NCAM2: variants seen among roughly 807,000 people sequenced by gnomAD.
NCAM2 encodes N-CAM-2.
NCAM2 carries 30 observed loss-of-function variants against 98.1 expected under a neutral mutation model. That is an observed-to-expected ratio of 0.31 (90% CI 0.23 to 0.41). The LOEUF is 0.41. Ranked by LOEUF, NCAM2 falls within the 10% of genes least tolerant of loss-of-function variation. The probability of loss-of-function intolerance (pLI) is 1.00; values close to 1 mark genes in which losing one functional copy is unlikely to be tolerated. For missense variants in NCAM2, 867 were observed against 1,005.8 expected (o/e 0.86, Z 1.87); for synonymous variants, 368 against 342.4 (o/e 1.07, Z -0.83).
At chr21:21,444,921 T>C (rs969894471) in intron 12 of NCAM2, among the ~76,000 whole-genome samples, 19 of 152,158 alleles carry the variant, frequency 1.2e-4, no homozygotes, top group Admixed American at 7.2e-4. Flanking sequence ...TTAAGTGTGA[T>C]GTTAGGGTGT....
At chr21:21,059,015 C>T (rs1345406227) in intron 1 of NCAM2, among the ~76,000 whole-genome samples, 1 of 152,076 alleles carries the variant, frequency 6.6e-6, no homozygotes, top group East Asian at 1.9e-4. Context: ...GACTGCATAT[C>T]TCTGTCTTGT....
At chr21:21,488,217 A>G (rs1986555643) in intron 15 of NCAM2, among the ~76,000 whole-genome samples, 1 of 152,044 alleles carries the variant, frequency 6.6e-6, no homozygotes, top group Non-Finnish European at 1.5e-5. Context: ...AGTTACAAGT[A>G]TGCATCCTAG....
chr21:21,155,660 A>G (rs377364409), intron 1 of NCAM2, among the ~76,000 whole-genome samples: 6 of 152,028 alleles, frequency 3.9e-5, no homozygotes, highest in South Asian at 2.1e-4. Context: ...ATATCTTTAA[A>G]TTGATAATGT....
At chr21:21,083,785 G>C (rs747158923) in intron 1 of NCAM2, among the ~76,000 whole-genome samples, 2 of 152,106 alleles carry the variant, frequency 1.3e-5, no homozygotes, top group Non-Finnish European at 2.9e-5. Context: ...ATTATGCCAA[G>C]ATGTTTTTAT....
chr21:21,356,408 A>G (rs2075480445), intron 8 of NCAM2, among the ~76,000 whole-genome samples: 1 of 152,126 alleles, frequency 6.6e-6, no homozygotes, highest in South Asian at 2.1e-4. Context: ...TTATTGGAAG[A>G]CAGAAAACAA....
intron 1 of NCAM2, among the ~76,000 whole-genome samples, chr21:21,212,978 G>T (rs2069722033): frequency 6.6e-6 from 1 of 152,024 alleles, no homozygotes; most frequent in African/African-American, 2.4e-5. Context: ...CTGACCTCAT[G>T]ATCCGCCCGC....
chr21:21,384,521 T>A (rs2076223833), intron 9 of NCAM2, among the ~76,000 whole-genome samples: 1 of 151,864 alleles, frequency 6.6e-6, no homozygotes, highest in Admixed American at 6.6e-5. Flanking sequence ...AAATACCAAA[T>A]ATATTGGAAA....
intron 8 of NCAM2, among the ~76,000 whole-genome samples, chr21:21,338,950 G>A (rs2074952519): frequency 6.6e-6 from 1 of 152,078 alleles, no homozygotes; most frequent in Admixed American, 6.6e-5. Flanking sequence ...TTACAAACCA[G>A]TACATTTAAC....
chr21:21,083,013 T>C (rs932681903), intron 1 of NCAM2, among the ~76,000 whole-genome samples: 6 of 152,254 alleles, frequency 3.9e-5, no homozygotes, highest in Non-Finnish European at 5.9e-5. Flanking sequence ...CCTTTGCTTC[T>C]ATCAAAGCAT....
At chr21:21,413,946 C>T (rs968428564) in intron 10 of NCAM2, among the ~76,000 whole-genome samples, 43 of 152,146 alleles carry the variant, frequency 2.8e-4, no homozygotes, top group African/African-American at 9.7e-4. Flanking sequence ...TAGGAATTAC[C>T]TATAGCAGAA....
Position 21,457,905 on chromosome 21 carries a change from G to T in NCAM2, c.1655-8701G>T, listed in dbSNP as rs566683640. Among the ~76,000 whole-genome samples, 6 of 152,288 alleles carry T rather than the reference G, an allele frequency of 3.9e-5. No individual in the cohort carries two copies. The South Asian group carries it at 1.2e-3, about 32-fold the overall frequency. ...GTAACAAATGAGAAAAACTGGGAAA[G>T]AACATTAAGGGTTTGGCCAGGAGGA... On this transcript the variant is annotated intron_variant, in intron 12 of 17. Coordinates refer to ENST00000400546, the MANE Select transcript of NCAM2 (RefSeq NM_004540.5).
At chr21:21,251,083 T>C (rs2071451707) in intron 1 of NCAM2, among the ~76,000 whole-genome samples, 2 of 152,224 alleles carry the variant, frequency 1.3e-5, no homozygotes, top group Non-Finnish European at 2.9e-5. Context: ...GTCGTGATTT[T>C]TTTTCCTTAT....
intron 1 of NCAM2, among the ~76,000 whole-genome samples, chr21:21,001,926 G>A (rs1346563873): frequency 6.6e-6 from 1 of 152,102 alleles, no homozygotes; most frequent in African/African-American, 2.4e-5. Context: ...TAGAGCACAG[G>A]TGTGTGAGTG....
rs1208906756 is a variant in NCAM2 at position 21,538,934 on chromosome 21, C to A, written c.*977C>A. 1 of 151,682 alleles carries A rather than the reference C, an allele frequency of 6.6e-6. No individual in the cohort carries two copies. The highest frequency in any genetic ancestry group is 1.9e-4 in the East Asian group (1 of 5,182). The allele number at this position is 151,682 out of a possible 1,614,324, so 9.4% of individuals were successfully genotyped here. Reference sequence around the variant, plus strand: ...TATAATCTTTAAGAACTAATTTTACCACTGTTATAGGTTCACCATTAAATA... The same window carrying A: ...TATAATCTTTAAGAACTAATTTTACAACTGTTATAGGTTCACCATTAAATA... On this transcript the variant is annotated 3_prime_UTR_variant, in exon 18 of 18. Coordinates refer to ENST00000400546, the MANE Select transcript of NCAM2 (RefSeq NM_004540.5).
intron 12 of NCAM2, among the ~76,000 whole-genome samples, chr21:21,441,722 G>A (rs1176068938): frequency 1.3e-5 from 2 of 151,910 alleles, no homozygotes; most frequent in African/African-American, 4.8e-5. Flanking sequence ...GACTGGGAAA[G>A]ATGAACGTGG....
chr21:21,362,918 A>G (rs2826814), intron 8 of NCAM2, among the ~76,000 whole-genome samples: 35,224 of 152,098 alleles, frequency 0.23, 4,351 homozygotes, highest in East Asian at 0.29. Flanking sequence ...GTCAATGTAC[A>G]TGACACACTA....
chr21:21,404,608 A>G (rs1050691758), intron 9 of NCAM2, among the ~76,000 whole-genome samples: 5 of 152,048 alleles, frequency 3.3e-5, no homozygotes, highest in African/African-American at 1.2e-4. Flanking sequence ...ACGAACTAAT[A>G]CAGTATATAT....
At chr21:21,079,519 G>A (rs552644138) in intron 1 of NCAM2, among the ~76,000 whole-genome samples, 43 of 152,082 alleles carry the variant, frequency 2.8e-4, no homozygotes, top group African/African-American at 1.0e-3. Flanking sequence ...TACAGTAATT[G>A]GTAAGGAAAT....
intron 1 of NCAM2, among the ~76,000 whole-genome samples, chr21:21,023,838 C>A (rs1339621645): frequency 1.3e-5 from 2 of 151,904 alleles, no homozygotes; most frequent in African/African-American, 2.4e-5. Context: ...TCATTCATAT[C>A]TAATTTTTTA....
Sources: allele counts gnomAD v4.1 joint callset (sites outside exome capture counted in the v4.1 genomes callset), GRCh38; gene constraint gnomAD v4.1.1; transcripts MANE v1.5; gene names NCBI Gene and HGNC (gene_info 2026-07-23, HGNC 2026-07-21).